APPL2: variants seen among roughly 807,000 people sequenced by gnomAD.
The protein encoded by APPL2 is DCC-interacting protein 13-beta.
APPL2 carries 84 observed loss-of-function variants against 92.7 expected under a neutral mutation model. That is an observed-to-expected ratio of 0.91 (90% CI 0.76 to 1.09). The LOEUF (loss-of-function observed/expected upper bound fraction) is 1.09, where lower values mean the gene tolerates loss of function less well. Among genes scored for constraint, APPL2 ranks in the 50% least tolerant of loss-of-function variants. The pLI, the probability that APPL2 is intolerant of heterozygous loss-of-function variation, is 0.00. For missense variants in APPL2, 736 were observed against 824.5 expected (o/e 0.89, Z 1.31); for synonymous variants, 291 against 291.0 (o/e 1.00, Z 0.00).
chr12:105,226,348 C>T (rs1245190804), intron 2 of APPL2, among the ~76,000 whole-genome samples: 2 of 152,244 alleles, frequency 1.3e-5, no homozygotes, highest in Non-Finnish European at 2.9e-5. Context: ...CAGACATTCT[C>T]ACCAGCCTGT....
chr12:105,211,620 C>T lies in APPL2; in HGVS notation c.286-303G>A, dbSNP rs142841232. ...TTCTGTGTTCCCACTCTGGGCCCCA[C>T]CCCACTGGAGAATCCTAATGCCTGG... On this transcript the variant is annotated intron_variant, in intron 4 of 20. Coordinates refer to ENST00000258530, the MANE Select transcript of APPL2 (RefSeq NM_018171.5). Among the ~76,000 whole-genome samples, 195 of 152,334 alleles carry T rather than the reference C, an allele frequency of 1.3e-3. 1 individual carries two copies. Among genetic ancestry groups the T allele is most frequent in the African/African-American group, 4.0e-3 (167 of 41,572 alleles).
chr12:105,217,546 C>CA (rs1236652769), intron 3 of APPL2, 120 bp downstream of exon 3: 6 of 981,054 alleles, frequency 6.1e-6, no homozygotes, highest in East Asian at 2.5e-5. Context: ...AAAGACAGGA[C>CA]AAAAAAACTA....
chr12:105,236,007 G>A lies in APPL2; in HGVS notation c.6C>T (p.Pro2=), dbSNP rs139867855. 6,985 of 1,250,400 alleles carry A rather than the reference G, an allele frequency of 5.6e-3. 282 individuals are homozygous for A. The African/African-American group carries it at 0.091, about 16-fold the overall frequency. 77.5% of individuals were successfully genotyped at this position (1,250,400 alleles called of 1,614,324 possible). A position where few individuals can be genotyped will look rare whatever the true frequency, so the allele number is the denominator to read the frequency against. The change falls in exon 1 of 21, where the codon CCC becomes CCT. Residue 2 remains proline (P), a synonymous_variant. Transcript: ENST00000258530. Reference sequence around the variant, plus strand: ...CCTCTAGCAGGAGCTTGTCCACGGCGGGCATGGTGCGGCGCGGCTCAGCCG... The same window carrying A: ...CCTCTAGCAGGAGCTTGTCCACGGCAGGCATGGTGCGGCGCGGCTCAGCCG... M[P]AVDKLLLEEA... is the part of the protein sequence containing the mutation.
intron 17 of APPL2, among the ~76,000 whole-genome samples, chr12:105,186,038 T>G (rs1342116757): frequency 6.6e-6 from 1 of 152,208 alleles, no homozygotes; most frequent in Non-Finnish European, 1.5e-5. Flanking sequence ...TATGTTGCCT[T>G]TTGTACCTGG....
At chr12:105,198,985 C>T (rs1887901632) in intron 10 of APPL2, among the ~76,000 whole-genome samples, 1 of 152,232 alleles carries the variant, frequency 6.6e-6, no homozygotes, top group East Asian at 1.9e-4. Context: ...AGCCTCCTGA[C>T]CTTGCCTCTG....
At chr12:105,228,308 A>G (rs1566101168) in intron 2 of APPL2, among the ~76,000 whole-genome samples, 1 of 152,338 alleles carries the variant, frequency 6.6e-6, no homozygotes, top group Non-Finnish European at 1.5e-5. Flanking sequence ...AAATGCTCCA[A>G]TGAGCATTTC....
Position 105,211,230 on chromosome 12 carries a change from C to T in APPL2, c.373G>A (p.Glu125Lys), listed in dbSNP as rs201895197. The change falls in exon 5 of 21, where the codon GAA (glutamate) becomes AAA (lysine). Residue 125 changes from glutamate (E) to lysine (K), a missense_variant and splice_region_variant. Physicochemically the swap from Glu to Lys is moderately conservative, Grantham distance 56. Transcript: ENST00000258530. Reference sequence around the variant, plus strand: ...CTGGCATTGAACTCAGTTACTTTACCTGTGAGATCCTTTTCTCGGAATTGT... The same window carrying T: ...CTGGCATTGAACTCAGTTACTTTACTTGTGAGATCCTTTTCTCGGAATTGT... ...IIQFREKDLT[E>K]VSTLKDLFGL... 86 of 1,608,764 alleles carry T rather than the reference C, an allele frequency of 5.3e-5. No individual in the cohort carries two copies. Among genetic ancestry groups the T allele is most frequent in the Non-Finnish European group, 7.2e-5 (85 of 1,175,404 alleles).
At chr12:105,196,417 C>T (rs1012600751) in intron 11 of APPL2, among the ~76,000 whole-genome samples, 13 of 132,452 alleles carry the variant, frequency 9.8e-5, no homozygotes, top group Non-Finnish European at 2.1e-4. Flanking sequence ...TTTGTGGAGG[C>T]GTTAACTCTT....
chr12:105,210,469 A>G (rs1030971658), intron 5 of APPL2, among the ~76,000 whole-genome samples: 1 of 152,218 alleles, frequency 6.6e-6, no homozygotes, highest in African/African-American at 2.4e-5. Context: ...TAAGTAATAA[A>G]TACTTCCAAT....
At chr12:105,197,988 A>G (rs1392574915) in intron 10 of APPL2, 35 bp from the exon 11 acceptor site, 3 of 1,596,536 alleles carry the variant, frequency 1.9e-6, no homozygotes, top group Non-Finnish European at 1.7e-6. Flanking sequence ...CATTAGTACC[A>G]GAAAGCACCA....
At chr12:105,226,765 A>G (rs1890540862) in intron 2 of APPL2, among the ~76,000 whole-genome samples, 1 of 152,234 alleles carries the variant, frequency 6.6e-6, no homozygotes, top group Admixed American at 6.5e-5. Context: ...TACAAAAACA[A>G]AAATTGACGA....
intron 8 of APPL2, 82 bp downstream of exon 8, chr12:105,206,979 T>C (rs1208351401): frequency 2.0e-6 from 3 of 1,506,694 alleles, no homozygotes; most frequent in Non-Finnish European, 2.7e-6. Flanking sequence ...TCTACGACGA[T>C]GCTTCAGTGT....
At chr12:105,176,430 GTTAA>G (rs886462175) in intron 19 of APPL2, 2 of 462,770 alleles carry the variant, frequency 4.3e-6, no homozygotes, top group Non-Finnish European at 3.7e-6. Context: ...GAAAGGATTG[GTTAA>G]TTGTGATAAA....
At chr12:105,177,335 TC>T in intron 17 of APPL2, 73 bp from the exon 18 acceptor site, 1 of 1,477,334 alleles carries the variant, frequency 6.8e-7, no homozygotes, top group Non-Finnish European at 9.5e-7. Context: ...TTTGTAGAAG[TC>T]CAGAATAAAT....
intron 20 of APPL2, among the ~76,000 whole-genome samples, chr12:105,174,987 G>C (rs543081003): frequency 6.6e-6 from 1 of 151,262 alleles, no homozygotes; most frequent in African/African-American, 2.4e-5. Flanking sequence ...CGGTTCAAAC[G>C]ATTCTTGTGC....
chr12:105,208,742 C>T lies in APPL2; in HGVS notation c.374-543G>A, dbSNP rs1489686327. Among the ~76,000 whole-genome samples, 10 of 152,132 alleles carry T rather than the reference C, an allele frequency of 6.6e-5. No individual in the cohort carries two copies. In the East Asian group the frequency reaches 1.5e-3, roughly 23 times the overall value. On this transcript the variant is annotated intron_variant, in intron 5 of 20. Transcript: ENST00000258530. ...AAGCCAACACCAATAACTATTACTC[C>T]GAGTGAGTGCCACACCCATCATGCA...
At chr12:105,181,649 G>C (rs760961886) in intron 17 of APPL2, among the ~76,000 whole-genome samples, 1 of 152,026 alleles carries the variant, frequency 6.6e-6, no homozygotes, top group East Asian at 1.9e-4. Context: ...ACTTGTTATC[G>C]GTCTATTCAG....
At position 105,207,980 on chromosome 12, in the gene APPL2, C is replaced by G. The variant is rs765981572; in HGVS notation, c.465G>C (p.Glu155Asp). The G allele has an allele frequency of 1.2e-6, 2 of 1,613,510 alleles. No individual in the cohort carries two copies. The highest frequency in any genetic ancestry group is 1.7e-6 in the Non-Finnish European group (2 of 1,179,396). Residue 155 changes from glutamate (E) to aspartate (D), a missense_variant, in exon 7 of 21, where the codon GAG becomes GAC. Coordinates refer to ENST00000258530, the MANE Select transcript of APPL2 (RefSeq NM_018171.5). Reference protein sequence around the residue: ...AKYSRLPKKKENEKVKTEVGK... With the variant: ...AKYSRLPKKKDNEKVKTEVGK... ...TGTAAAGTATTCTTACCTTCTCATT[C>G]TCCTTTTTCTTAGGCAGCCTGCTGT...
chr12:105,188,444 G>T lies in APPL2; in HGVS notation c.1463C>A (p.Ser488Tyr), dbSNP rs1279463973. ...EDESFPEAED[S>Y]LLQQMFIVRF... is the part of the protein sequence containing the mutation. ...AACTATAAACATCTGCTGCAAAAGA[G>T]AATCTGGAAGACAGCATTTTCCACT... The change falls in exon 17 of 21, where the codon TCT (serine) becomes TAT (tyrosine). Residue 488 changes from serine to tyrosine, a missense_variant. Coordinates refer to ENST00000258530, the MANE Select transcript of APPL2 (RefSeq NM_018171.5). The T allele has an allele frequency of 1.2e-6, 2 of 1,613,840 alleles. No individual in the cohort carries two copies. The highest frequency in any genetic ancestry group is 2.7e-5 in the African/African-American group (2 of 74,926).
Sources: gnomAD v4.1 joint callset for allele counts (sites outside exome capture counted in the v4.1 genomes callset) on GRCh38, gnomAD v4.1.1 for gene constraint, MANE v1.5 for transcripts, NCBI Gene and HGNC (gene_info 2026-07-23, HGNC 2026-07-21) for gene names.